The following PIGU variants were observed in gnomAD, a reference collection of about 807,000 sequenced individuals.
PIGU encodes the protein GPI-anchor transamidase component PIGU.
Under a neutral mutation model 49.9 loss-of-function variants are expected in PIGU, and 24 were observed. The ratio of observed to expected loss-of-function variants is 0.48; its 90% CI spans 0.35 to 0.68. The LOEUF is 0.68. PIGU is among the 30% of genes least tolerant of loss of function. PIGU has a pLI of 0.01. For missense variants in PIGU, 490 were observed against 532.6 expected (o/e 0.92, Z 0.79); for synonymous variants, 220 against 205.7 (o/e 1.07, Z -0.59).
At chr20:34,629,251 T>G (rs774591554) in intron 6 of PIGU, among the ~76,000 whole-genome samples, 8 of 152,112 alleles carry the variant, frequency 5.3e-5, no homozygotes, top group Non-Finnish European at 1.0e-4. Flanking sequence ...TCTGACCTCA[T>G]GACCTCATGA....
At chr20:34,622,155 C>T (rs1294000050) in intron 6 of PIGU, among the ~76,000 whole-genome samples, 1 of 152,136 alleles carries the variant, frequency 6.6e-6, no homozygotes. Context: ...CTCAACGTTT[C>T]GTGAAAATTC....
intron 6 of PIGU, among the ~76,000 whole-genome samples, chr20:34,629,264 C>T (rs1568647869): frequency 6.6e-6 from 1 of 152,104 alleles, no homozygotes; most frequent in Non-Finnish European, 1.5e-5. Context: ...CCTCATGATC[C>T]ACCCACCTAA....
chr20:34,563,229 A>C, intron 11 of PIGU, among the ~76,000 whole-genome samples: 1 of 152,322 alleles, frequency 6.6e-6, no homozygotes, highest in East Asian at 1.9e-4. Flanking sequence ...CTTTTCCCCT[A>C]TAAGCCTTAA....
At chr20:34,676,888 C>A (rs1171361073) in intron 1 of PIGU, 68 bp downstream of exon 1, 4 of 1,548,076 alleles carry the variant, frequency 2.6e-6, no homozygotes, top group Non-Finnish European at 3.5e-6. Flanking sequence ...ACTGCCCCCG[C>A]CTCCCATTCA....
At chr20:34,561,169 C>T (rs1370410186) in intron 11 of PIGU, among the ~76,000 whole-genome samples, 190 bp from the exon 12 acceptor site, 8 of 152,162 alleles carry the variant, frequency 5.3e-5, no homozygotes, top group Non-Finnish European at 1.5e-5. Flanking sequence ...TCTGGCCTCT[C>T]AGAAGCTGCC....
chr20:34,647,558 C>A (rs1182209574), intron 2 of PIGU, among the ~76,000 whole-genome samples: 1 of 151,974 alleles, frequency 6.6e-6, no homozygotes, highest in Non-Finnish European at 1.5e-5. Flanking sequence ...CCATGCCCGG[C>A]CTAATTTTTT....
chr20:34,666,916 T>C (rs1987122662), intron 1 of PIGU, among the ~76,000 whole-genome samples: 1 of 152,040 alleles, frequency 6.6e-6, no homozygotes, highest in East Asian at 1.9e-4. Flanking sequence ...GCCAGGATGG[T>C]CTCGATCTCC....
At chr20:34,562,704 T>G (rs1413085446) in intron 11 of PIGU, 1 of 567,336 alleles carries the variant, frequency 1.8e-6, no homozygotes, top group East Asian at 6.8e-5. Context: ...GGGGCCCAGA[T>G]CACTGATGAG....
chr20:34,640,779 T>C (rs1986134178), intron 4 of PIGU, among the ~76,000 whole-genome samples: 1 of 152,200 alleles, frequency 6.6e-6, no homozygotes, highest in African/African-American at 2.4e-5. Context: ...ATGTTTTAAT[T>C]TTTAAAAATC....
chr20:34,635,319 A>G (rs1985924064), intron 5 of PIGU, among the ~76,000 whole-genome samples: 1 of 152,196 alleles, frequency 6.6e-6, no homozygotes, highest in Non-Finnish European at 1.5e-5. Flanking sequence ...TGGCAGTTAA[A>G]CAGAATCCAC....
intron 6 of PIGU, among the ~76,000 whole-genome samples, chr20:34,624,035 T>C (rs1021825226): frequency 6.6e-6 from 1 of 152,140 alleles, no homozygotes; most frequent in Non-Finnish European, 1.5e-5. Flanking sequence ...CTCCCAGGTC[T>C]CCCTATAAGG....
chr20:34,657,354 A>T (rs1986735120), intron 1 of PIGU, 110 bp from the exon 2 acceptor site: 7 of 723,512 alleles, frequency 9.7e-6, no homozygotes, highest in Middle Eastern at 2.4e-4. Context: ...AACCCCCTTT[A>T]CCTCATCCCC....
intron 6 of PIGU, 54 bp downstream of exon 6, chr20:34,634,561 A>G: frequency 6.5e-7 from 1 of 1,544,908 alleles, no homozygotes; most frequent in South Asian, 1.3e-5. Context: ...CAAGTGTTGC[A>G]AAATCTTGCA....
At chr20:34,626,737 A>C (rs6087609) in intron 6 of PIGU, among the ~76,000 whole-genome samples, 60,056 of 152,014 alleles carry the variant, frequency 0.4, 12,391 homozygotes, top group Admixed American at 0.55. Flanking sequence ...TACCAATTTC[A>C]GAGGCAAAAA....
chr20:34,581,487 T>C, intron 10 of PIGU, 61 bp downstream of exon 10: 1 of 1,595,508 alleles, frequency 6.3e-7, no homozygotes, highest in Non-Finnish European at 8.6e-7. Context: ...TCCTTTTCCC[T>C]GCAGCAGTCT....
Position 34,645,315 on chromosome 20 carries a change from A to G in PIGU, c.215T>C (p.Leu72Pro). ...AGCATAGTCAATTAGGAAATGAAAG[A>G]GGTATATTATTAATGGAGTCTGCAG... ...VFHETPLIIY[L>P]FHFLIDYAEL... Residue 72 changes from leucine to proline, a missense_variant, in exon 3 of 12, where the codon CTC (leucine) becomes CCC (proline). Leu to Pro is a moderately conservative substitution (Grantham distance 98). Transcript: ENST00000217446. The G allele has an allele frequency of 6.3e-7, 1 of 1,577,430 alleles. No homozygotes were observed. Among genetic ancestry groups the G allele is most frequent in the Non-Finnish European group, 8.6e-7 (1 of 1,168,100 alleles).
chr20:34,624,648 G>A (rs927182529), intron 6 of PIGU, among the ~76,000 whole-genome samples: 12 of 152,230 alleles, frequency 7.9e-5, no homozygotes, highest in African/African-American at 2.4e-4. Context: ...AAAGCCTAAT[G>A]AAGACTACTT....
Position 34,648,251 on chromosome 20 carries a change from CAAA to C in PIGU, c.196-2920_196-2918del, listed in dbSNP as rs34170509. Among the ~76,000 whole-genome samples the C allele has an allele frequency of 9.8e-3, 871 of 88,834 alleles. 13 individuals are homozygous for C. The highest frequency in any genetic ancestry group is 0.034 in the African/African-American group (827 of 24,280). 58.3% of individuals were successfully genotyped at this position (88,834 alleles called of 152,430 possible). A position where few individuals can be genotyped will look rare whatever the true frequency, so the allele number is the denominator to read the frequency against. ...TGGGCAACAAAGTGAGACCCTGTCT[CAAA>C]AAAAAAAAAAAAAAAAAAATCCCCC... On this transcript the variant is annotated intron_variant, in intron 2 of 11. Coordinates refer to ENST00000217446, the MANE Select transcript of PIGU (RefSeq NM_080476.5).
chr20:34,664,551 T>A (rs1329518822), intron 1 of PIGU, among the ~76,000 whole-genome samples: 1 of 151,866 alleles, frequency 6.6e-6, no homozygotes. Flanking sequence ...ATACAAAAAT[T>A]AGCCTATTTG....
Sources: allele counts gnomAD v4.1 joint callset (sites outside exome capture counted in the v4.1 genomes callset), GRCh38; gene constraint gnomAD v4.1.1; transcripts MANE v1.5; gene names NCBI Gene and HGNC (gene_info 2026-07-23, HGNC 2026-07-21).